The following PDE11A variants were observed in gnomAD, a reference collection of about 807,000 sequenced individuals.
PDE11A encodes the protein phosphodiesterase 11A.
A neutral mutation model predicts 100.5 loss-of-function variants in PDE11A; 100 were observed. That is an observed-to-expected ratio of 1.00 (90% CI 0.85 to 1.18). The LOEUF (loss-of-function observed/expected upper bound fraction) is 1.18, where lower values mean the gene tolerates loss of function less well. PDE11A is among the 50% of genes most tolerant of loss of function. The pLI is 0.00. For missense variants in PDE11A, 1,141 were observed against 1,152.6 expected (o/e 0.99, Z 0.15); for synonymous variants, 381 against 420.8 (o/e 0.91, Z 1.16).
chr2:178,026,814 C>T (rs2086484636), intron 1 of PDE11A, among the ~76,000 whole-genome samples: 1 of 151,894 alleles, frequency 6.6e-6, no homozygotes, highest in African/African-American at 2.4e-5. Flanking sequence ...TCAAATCAGT[C>T]AGAAAATTAT....
intron 1 of PDE11A, among the ~76,000 whole-genome samples, chr2:178,014,989 T>A (rs1391344821): frequency 1.3e-5 from 2 of 152,102 alleles, no homozygotes; most frequent in Non-Finnish European, 1.5e-5. Flanking sequence ...ATATATAAAA[T>A]AAATGATAAA....
At chr2:177,860,375 T>C (rs1402926360) in intron 5 of PDE11A, among the ~76,000 whole-genome samples, 3 of 151,756 alleles carry the variant, frequency 2.0e-5, no homozygotes, top group Non-Finnish European at 4.4e-5. Flanking sequence ...TGTTAGGTCA[T>C]AAAGCAAGTA....
Position 177,817,885 on chromosome 2 carries a change from A to G in PDE11A, c.1617T>C (p.Phe539=). 1 of 1,545,090 alleles carries G rather than the reference A, an allele frequency of 6.5e-7. No homozygotes were observed. The highest frequency in any genetic ancestry group is 8.9e-7 in the Non-Finnish European group (1 of 1,118,736). Residue 539 remains phenylalanine, a synonymous_variant, in exon 8 of 20, where the codon TTT becomes TTC. Transcript: ENST00000286063. Reference sequence around the variant, plus strand: ...CAAAAAGTCGTTGATCTGCATCATCAAAAGGTTTCCCATCAAGTCTGTTTA... The same window carrying G: ...CAAAAAGTCGTTGATCTGCATCATCGAAAGGTTTCCCATCAAGTCTGTTTA... ...QVLNRLDGKP[F]DDADQRLFEA...
At chr2:178,071,040 A>C (rs2087119738) in intron 1 of PDE11A, among the ~76,000 whole-genome samples, 1 of 152,322 alleles carries the variant, frequency 6.6e-6, no homozygotes. Flanking sequence ...GGAACAGGGA[A>C]GTAGTTAAGC....
chr2:177,899,658 A>ATATAT, intron 3 of PDE11A: 1 of 191,398 alleles, frequency 5.2e-6, no homozygotes, highest in African/African-American at 2.5e-5. Context: ...ATATATATGT[A>ATATAT]ATTTACATTT....
At chr2:177,979,077 TAAAAA>T (rs72020976) in intron 2 of PDE11A, among the ~76,000 whole-genome samples, 4,685 of 112,998 alleles carry the variant, frequency 0.041, 234 homozygotes, top group Non-Finnish European at 0.062. Flanking sequence ...TAGAGTATAA[TAAAAA>T]AAAAAAAAAA....
chr2:177,861,485 T>C (rs77363629), intron 5 of PDE11A, among the ~76,000 whole-genome samples: 2,853 of 151,930 alleles, frequency 0.019, 52 homozygotes, highest in South Asian at 0.046. Flanking sequence ...CTTGTTAAGA[T>C]TGCAATACTC....
At chr2:177,966,799 G>A (rs1256423829) in intron 2 of PDE11A, among the ~76,000 whole-genome samples, 1 of 152,174 alleles carries the variant, frequency 6.6e-6, no homozygotes, top group African/African-American at 2.4e-5. Context: ...CATCAGGGAT[G>A]TATGCCTGAA....
At chr2:177,930,797 C>A (rs995866758) in intron 2 of PDE11A, among the ~76,000 whole-genome samples, 42 of 152,316 alleles carry the variant, frequency 2.8e-4, no homozygotes, top group African/African-American at 1.0e-3. Context: ...AAATGCTCAT[C>A]CTGATTAACA....
chr2:177,689,479 C>T (rs149944681), intron 15 of PDE11A, among the ~76,000 whole-genome samples: 6 of 152,286 alleles, frequency 3.9e-5, no homozygotes, highest in Non-Finnish European at 8.8e-5. Context: ...GGTCTTCTTA[C>T]AGCTTGCTCA....
At chr2:178,105,618 T>C (rs2087609016) in intron 1 of PDE11A, 2 of 447,044 alleles carry the variant, frequency 4.5e-6, no homozygotes, top group Non-Finnish European at 7.7e-6. Flanking sequence ...GTTCAAACTA[T>C]CAAAAAATTG....
chr2:177,844,527 TTTAA>T (rs1162299444), intron 5 of PDE11A, among the ~76,000 whole-genome samples: 58 of 151,874 alleles, frequency 3.8e-4, no homozygotes, highest in Admixed American at 9.8e-4. Context: ...CTTTTTTTTT[TTTAA>T]TTAATTAATT....
Position 177,947,361 on chromosome 2 carries a change from G to C in PDE11A, c.1072-42174C>G, listed in dbSNP as rs559019133. The stretch of plus-strand genomic sequence containing the variant: ...TGGGCAAAAGATTGAGAAATCGGAT[G>C]GTTGCCGTGTCTGTGTAGAAGGAAG... On this transcript the variant is annotated intron_variant, in intron 2 of 19. Coordinates refer to ENST00000286063, the MANE Select transcript of PDE11A (RefSeq NM_016953.4). Among the ~76,000 whole-genome samples, 3 of 151,682 alleles carry C rather than the reference G, an allele frequency of 2.0e-5. No individual in the cohort carries two copies. The East Asian group carries it at 5.8e-4, about 30-fold the overall frequency.
intron 3 of PDE11A, among the ~76,000 whole-genome samples, chr2:177,899,242 C>T (rs1367877708): frequency 2.6e-5 from 4 of 152,032 alleles, no homozygotes; most frequent in Non-Finnish European, 5.9e-5. Flanking sequence ...CCCGACTCTA[C>T]TAAAAATACA....
At chr2:177,856,725 T>C (rs1040344831) in intron 5 of PDE11A, among the ~76,000 whole-genome samples, 2 of 151,984 alleles carry the variant, frequency 1.3e-5, no homozygotes, top group South Asian at 2.1e-4. Flanking sequence ...AACTTGAAGA[T>C]AGGTCAATTC....
chr2:177,765,940 T>C (rs2082232809), intron 10 of PDE11A, among the ~76,000 whole-genome samples: 1 of 152,232 alleles, frequency 6.6e-6, no homozygotes, highest in African/African-American at 2.4e-5. Flanking sequence ...CATATTTACG[T>C]ATGTAAAATT....
chr2:178,069,419 G>C (rs1437658345), intron 1 of PDE11A, among the ~76,000 whole-genome samples: 2 of 151,992 alleles, frequency 1.3e-5, no homozygotes, highest in Non-Finnish European at 2.9e-5. Flanking sequence ...ATACATAAAA[G>C]AAGCCAATGG....
chr2:177,837,892 G>A (rs1328639020), intron 6 of PDE11A, among the ~76,000 whole-genome samples: 1 of 152,174 alleles, frequency 6.6e-6, no homozygotes, highest in Non-Finnish European at 1.5e-5. Context: ...ACTTTCTTAA[G>A]GAGTGCTCAG....
chr2:178,072,497 G>T lies in PDE11A; in HGVS notation c.-60C>A. On this transcript the variant is annotated 5_prime_UTR_variant, in exon 1 of 20. Transcript: ENST00000286063. ...GAACCAAATGTTTTCCTGCCCCGAG[G>T]CCTCTAGCTGTTCCTGCACATGTTC... 1 of 1,602,622 alleles carries T rather than the reference G, an allele frequency of 6.2e-7. No homozygotes were observed. The highest frequency in any genetic ancestry group is 2.2e-5 in the East Asian group (1 of 44,668).
Sources: allele counts gnomAD v4.1 joint callset (sites outside exome capture counted in the v4.1 genomes callset), GRCh38; gene constraint gnomAD v4.1.1; transcripts MANE v1.5; gene names NCBI Gene and HGNC (gene_info 2026-07-23, HGNC 2026-07-21).